NAALADL2: variants seen among roughly 807,000 people sequenced by gnomAD.
NAALADL2 encodes N-acetylated alpha-linked acidic dipeptidase like 2.
In NAALADL2, 76 loss-of-function variants were observed where a neutral mutation model predicts 87.2. That is an observed-to-expected ratio of 0.87 (90% CI 0.72 to 1.05). NAALADL2 has a LOEUF of 1.05. Ranked by LOEUF, NAALADL2 falls within the 50% of genes least tolerant of loss-of-function variation. The probability of loss-of-function intolerance (pLI) is 0.00; values close to 1 mark genes in which losing one functional copy is unlikely to be tolerated. For synonymous variants in NAALADL2, 354 were observed against 331.0 expected (o/e 1.07, Z -0.75); for missense variants, 1,089 against 945.8 (o/e 1.15, Z -1.99).
intron 13 of NAALADL2, among the ~76,000 whole-genome samples, chr3:175,792,295 C>G (rs878934264): frequency 6.6e-6 from 1 of 152,130 alleles, no homozygotes; most frequent in Non-Finnish European, 1.5e-5. Context: ...TGTAACAATT[C>G]TTAAAAATAT....
chr3:175,652,131 C>G lies in NAALADL2; in HGVS notation c.1896+24745C>G, dbSNP rs540126627. On this transcript the variant is annotated intron_variant, in intron 11 of 13. Coordinates refer to ENST00000454872, the MANE Select transcript of NAALADL2 (RefSeq NM_207015.3). ...CACAAAATGAAGATAATTCTGTTAACTTCTCTTATACCTAAGAGCATTTTG... is the reference window on the plus strand; with the variant it reads ...CACAAAATGAAGATAATTCTGTTAAGTTCTCTTATACCTAAGAGCATTTTG... 9.5e-4 allele frequency among the ~76,000 whole-genome samples: 144 copies of G among 152,286 alleles called. 1 individual carries two copies. The highest frequency in any genetic ancestry group is 3.7e-3 in the Admixed American group (57 of 15,304).
intron 9 of NAALADL2, among the ~76,000 whole-genome samples, chr3:175,481,335 CTGTGTG>C (rs3040504): frequency 3.5e-5 from 5 of 143,990 alleles, no homozygotes; most frequent in East Asian, 2.0e-4. Flanking sequence ...AACAATGCCA[CTGTGTG>C]TGTGTGTGTG....
At chr3:175,645,200 G>A (rs892934312) in intron 11 of NAALADL2, among the ~76,000 whole-genome samples, 1 of 151,638 alleles carries the variant, frequency 6.6e-6, no homozygotes, top group Non-Finnish European at 1.5e-5. Context: ...ATAATGAACA[G>A]GATAAGAAAC....
intron 1 of NAALADL2, among the ~76,000 whole-genome samples, chr3:174,942,969 G>T (rs1738838923): frequency 6.6e-6 from 1 of 152,110 alleles, no homozygotes; most frequent in African/African-American, 2.4e-5. Context: ...TTTGGATTGG[G>T]TTTTGCTGTC....
intron 4 of NAALADL2, among the ~76,000 whole-genome samples, chr3:175,268,613 C>T (rs1752330477): frequency 6.6e-6 from 1 of 152,068 alleles, no homozygotes; most frequent in Non-Finnish European, 1.5e-5. Flanking sequence ...TTGTAATTAA[C>T]ACTTAGCTTA....
intron 2 of NAALADL2, among the ~76,000 whole-genome samples, chr3:174,712,008 C>A (rs1170240914): frequency 6.6e-6 from 1 of 151,816 alleles, no homozygotes; most frequent in Non-Finnish European, 1.5e-5. Context: ...AGGCTTGTCT[C>A]GAACTCCTGA....
chr3:175,258,320 C>T (rs1357651225), intron 4 of NAALADL2, among the ~76,000 whole-genome samples: 1 of 99,688 alleles, frequency 1.0e-5, no homozygotes, highest in Non-Finnish European at 2.0e-5. Flanking sequence ...TCCGCCCCCA[C>T]CACCAAAAAA....
chr3:174,957,717 T>C (rs1741362664), intron 1 of NAALADL2, among the ~76,000 whole-genome samples: 1 of 151,966 alleles, frequency 6.6e-6, no homozygotes, highest in African/African-American at 2.4e-5. Context: ...ATGAATAGCA[T>C]ATTAACTCTC....
intron 5 of NAALADL2, among the ~76,000 whole-genome samples, chr3:175,395,991 A>C (rs186149648): frequency 1.3e-5 from 2 of 152,328 alleles, no homozygotes; most frequent in East Asian, 3.9e-4. Context: ...TTCACCTGCC[A>C]AAACTGCTAA....
chr3:175,369,191 T>C (rs1283545885), intron 5 of NAALADL2, among the ~76,000 whole-genome samples: 2 of 152,184 alleles, frequency 1.3e-5, no homozygotes, highest in Admixed American at 1.3e-4. Context: ...TTGAGCAAAA[T>C]GTCATCATGC....
chr3:174,744,043 A>G (rs1560188693), intron 3 of NAALADL2, among the ~76,000 whole-genome samples: 1 of 151,922 alleles, frequency 6.6e-6, no homozygotes, highest in Non-Finnish European at 1.5e-5. Flanking sequence ...ATTTATACTC[A>G]CACTGTCTGC....
intron 10 of NAALADL2, among the ~76,000 whole-genome samples, chr3:175,582,523 A>G (rs1719934524): frequency 6.6e-6 from 1 of 152,186 alleles, no homozygotes; most frequent in African/African-American, 2.4e-5. Flanking sequence ...AATAATTTCA[A>G]TAATGCTACT....
intron 10 of NAALADL2, among the ~76,000 whole-genome samples, chr3:175,577,202 A>G (rs1218988496): frequency 6.6e-6 from 1 of 152,200 alleles, no homozygotes; most frequent in African/African-American, 2.4e-5. Context: ...ATTATTTAAC[A>G]TCTTTCAAAA....
At chr3:174,518,758 G>T (rs1223328702) in intron 1 of NAALADL2, among the ~76,000 whole-genome samples, 1 of 152,136 alleles carries the variant, frequency 6.6e-6, no homozygotes, top group African/African-American at 2.4e-5. Flanking sequence ...GACTTGATGT[G>T]TGAAAAAGAA....
chr3:175,568,479 A>T (rs1197414005), intron 9 of NAALADL2, among the ~76,000 whole-genome samples: 2 of 152,246 alleles, frequency 1.3e-5, no homozygotes, highest in African/African-American at 4.8e-5. Context: ...GTTTATTCCC[A>T]TGCGTTAATG....
intron 2 of NAALADL2, among the ~76,000 whole-genome samples, chr3:175,227,762 T>C (rs2109412111): frequency 6.6e-6 from 1 of 152,072 alleles, no homozygotes; most frequent in East Asian, 1.9e-4. Context: ...CATTTGTAGC[T>C]GTAAGACTGT....
chr3:174,777,776 C>G (rs1162012017), intron 3 of NAALADL2, among the ~76,000 whole-genome samples: 1 of 152,066 alleles, frequency 6.6e-6, no homozygotes, highest in Admixed American at 6.6e-5. Context: ...GAGCTTAGTT[C>G]ATCTACTGTT....
At chr3:175,432,914 T>C (rs1718004682) in intron 5 of NAALADL2, among the ~76,000 whole-genome samples, 1 of 152,068 alleles carries the variant, frequency 6.6e-6, no homozygotes, top group Non-Finnish European at 1.5e-5. Flanking sequence ...GTATCACTGC[T>C]CTTTACAGGT....
intron 1 of NAALADL2, among the ~76,000 whole-genome samples, chr3:174,451,802 A>G (rs1208030830): frequency 6.6e-6 from 1 of 151,778 alleles, no homozygotes; most frequent in Non-Finnish European, 1.5e-5. Context: ...ATCAAAATCA[A>G]TAAAACATTG....
Sources: allele counts gnomAD v4.1 joint callset (sites outside exome capture counted in the v4.1 genomes callset), GRCh38; gene constraint gnomAD v4.1.1; transcripts MANE v1.5; gene names NCBI Gene and HGNC (gene_info 2026-07-23, HGNC 2026-07-21).